HSD17B4: variants seen among roughly 807,000 people sequenced by gnomAD.
HSD17B4 encodes peroxisomal multifunctional enzyme type 2.
In HSD17B4, 70 loss-of-function variants were observed where a neutral mutation model predicts 101.0. That is an observed-to-expected ratio of 0.69 (90% CI 0.57 to 0.85). The LOEUF is 0.85. Ranked by LOEUF, HSD17B4 falls within the 40% of genes least tolerant of loss-of-function variation. HSD17B4 has a pLI of 0.00. For synonymous variants in HSD17B4, 347 were observed against 297.1 expected (o/e 1.17, Z -1.73); for missense variants, 984 against 892.4 (o/e 1.10, Z -1.31).
chr5:119,494,305 T>C (rs1750394910), intron 11 of HSD17B4, among the ~76,000 whole-genome samples: 1 of 150,934 alleles, frequency 6.6e-6, no homozygotes, highest in African/African-American at 2.4e-5. Context: ...TATTTTTCTC[T>C]TTCTTCCTTT....
At chr5:119,508,996 C>T in intron 15 of HSD17B4, 145 bp from the exon 16 acceptor site, 1 of 635,894 alleles carries the variant, frequency 1.6e-6, no homozygotes, top group Non-Finnish European at 2.8e-6. Flanking sequence ...GTAATCCAAA[C>T]TTGGACACCT....
intron 12 of HSD17B4, among the ~76,000 whole-genome samples, chr5:119,497,002 C>G (rs561302087): frequency 6.6e-6 from 1 of 152,130 alleles, no homozygotes; most frequent in East Asian, 1.9e-4. Flanking sequence ...TGGACTGTAC[C>G]CTGCATTTCT....
At chr5:119,492,180 C>A in intron 10 of HSD17B4, 56 bp downstream of exon 10, 3 of 1,317,190 alleles carry the variant, frequency 2.3e-6, no homozygotes, top group Non-Finnish European at 2.2e-6. Context: ...TTTAAACCTA[C>A]ATATCCAGTT....
chr5:119,488,120 G>A (rs909072297), intron 8 of HSD17B4, among the ~76,000 whole-genome samples: 1 of 152,028 alleles, frequency 6.6e-6, no homozygotes, highest in African/African-American at 2.4e-5. Context: ...TGTATGATTT[G>A]TAAGACACAA....
intron 2 of HSD17B4, chr5:119,456,718 A>C (rs1006017861): frequency 3.6e-6 from 1 of 281,214 alleles, no homozygotes; most frequent in African/African-American, 2.2e-5. Flanking sequence ...CTGCACTCCA[A>C]TCTGGGTGAT....
At chr5:119,524,591 T>G (rs960393128) in intron 17 of HSD17B4, among the ~76,000 whole-genome samples, 3 of 152,138 alleles carry the variant, frequency 2.0e-5, no homozygotes, top group Non-Finnish European at 4.4e-5. Context: ...CCAGAAAGTA[T>G]GGTGACTTTT....
Position 119,536,473 on chromosome 5 carries a change from G to A in HSD17B4, c.2044G>A (p.Gly682Ser). The change falls in exon 23 of 24, where the codon GGT becomes AGT. Residue 682 changes from glycine to serine, a missense_variant. Transcript: ENST00000510025. ...SGKVYQGPAK[G>S]AADTTIILSD... ...AAAAGTGTACCAAGGCCCTGCAAAA[G>A]GTGCTGCTGATACAACAATCATACT... 6.2e-7 allele frequency: 1 copy of A among 1,612,402 alleles called. No homozygotes were observed. The highest frequency in any genetic ancestry group is 8.5e-7 in the Non-Finnish European group (1 of 1,178,706).
rs200667890 is a variant in HSD17B4 at position 119,477,418 on chromosome 5, T to A, written c.351T>A (p.Asp117Glu). The A allele has an allele frequency of 2.9e-5, 46 of 1,598,230 alleles. No homozygotes were observed. Among genetic ancestry groups the A allele is most frequent in the Non-Finnish European group, 1.3e-5 (15 of 1,165,966 alleles). The change falls in exon 7 of 24, where the codon GAT becomes GAA. Residue 117 changes from aspartate to glutamate, a missense_variant and splice_region_variant. Coordinates refer to ENST00000510025, the MANE Select transcript of HSD17B4 (RefSeq NM_000414.4). ...SFARISDEDW[D>E]IIHRVHLRGS... ...AATAAAAATAATTTATTGTTTTAGA[T>A]ATAATCCACAGAGTTCATTTGCGGG...
intron 16 of HSD17B4, among the ~76,000 whole-genome samples, chr5:119,513,817 T>A (rs1752378831): frequency 6.6e-6 from 1 of 152,230 alleles, no homozygotes; most frequent in African/African-American, 2.4e-5. Flanking sequence ...GTTTCTAGTC[T>A]GTTAACAGTA....
At chr5:119,497,699 C>CA (rs919900946) in intron 12 of HSD17B4, among the ~76,000 whole-genome samples, 10 of 151,898 alleles carry the variant, frequency 6.6e-5, no homozygotes, top group Admixed American at 3.3e-4. Flanking sequence ...TTTTCACATA[C>CA]AAAAAAATTA....
intron 16 of HSD17B4, among the ~76,000 whole-genome samples, chr5:119,509,823 CA>C (rs1752010409): frequency 6.6e-6 from 1 of 152,146 alleles, no homozygotes; most frequent in South Asian, 2.1e-4. Flanking sequence ...AGGTGGCAGC[CA>C]GTGTAGAAAA....
chr5:119,520,929 G>C (rs745562450), intron 17 of HSD17B4, among the ~76,000 whole-genome samples: 1 of 152,016 alleles, frequency 6.6e-6, no homozygotes, highest in Non-Finnish European at 1.5e-5. Context: ...CCATTTTGGG[G>C]GATGCATTAT....
intron 17 of HSD17B4, among the ~76,000 whole-genome samples, chr5:119,523,740 C>A (rs1283468399): frequency 6.6e-6 from 1 of 152,118 alleles, no homozygotes; most frequent in Non-Finnish European, 1.5e-5. Context: ...TAAAAAATAA[C>A]TAACATTTAT....
At chr5:119,508,719 G>T (rs1330873127) in intron 15 of HSD17B4, among the ~76,000 whole-genome samples, 1 of 152,160 alleles carries the variant, frequency 6.6e-6, no homozygotes, top group African/African-American at 2.4e-5. Context: ...CCCTCATGTG[G>T]CTTATACCTT....
intron 23 of HSD17B4, among the ~76,000 whole-genome samples, chr5:119,539,864 A>T (rs1472557539): frequency 1.4e-5 from 2 of 145,458 alleles, no homozygotes; most frequent in African/African-American, 5.1e-5. Context: ...CCAAGGCAGG[A>T]GGATTGCTTG....
At chr5:119,491,954 G>T in intron 9 of HSD17B4, 146 bp from the exon 10 acceptor site, 1 of 744,970 alleles carries the variant, frequency 1.3e-6, no homozygotes, top group Non-Finnish European at 2.5e-6. Context: ...GGGGCCAGTG[G>T]ACTCTTACAG....
rs548764134 is a variant in HSD17B4 at position 119,541,779 on chromosome 5, G to T, written c.2122-126G>T. On this transcript the variant is annotated intron_variant, in intron 23 of 23. Coordinates refer to ENST00000510025, the MANE Select transcript of HSD17B4 (RefSeq NM_000414.4). ...TATTAAATTGTCATTGCTAAATAAA[G>T]GTTGCCTTTGTTGTCCAGAATTATT... The T allele has an allele frequency of 1.6e-4, 107 of 665,556 alleles. No individual in the cohort carries two copies. The African/African-American group carries it at 1.7e-3, about 10-fold the overall frequency. The allele number at this position is 665,556 out of a possible 1,614,324, so 41.2% of individuals were successfully genotyped here.
chr5:119,514,689 A>G (rs189694880), intron 16 of HSD17B4, among the ~76,000 whole-genome samples: 1 of 152,304 alleles, frequency 6.6e-6, no homozygotes, highest in East Asian at 1.9e-4. Context: ...CATCTTTTAC[A>G]TAGGGAGTAA....
At chr5:119,461,744 G>T (rs1159503493) in intron 2 of HSD17B4, among the ~76,000 whole-genome samples, 1 of 147,886 alleles carries the variant, frequency 6.8e-6, no homozygotes, top group Non-Finnish European at 1.5e-5. Context: ...AAAAAGCCAC[G>T]TGTGGTGGTG....
Sources: allele counts gnomAD v4.1 joint callset (sites outside exome capture counted in the v4.1 genomes callset), GRCh38; gene constraint gnomAD v4.1.1; transcripts MANE v1.5; gene names NCBI Gene and HGNC (gene_info 2026-07-23, HGNC 2026-07-21).